The following RAB38 variants were observed in gnomAD, a reference collection of about 807,000 sequenced individuals.
RAB38 encodes the protein ras-related protein Rab-38.
RAB38 carries 15 observed loss-of-function variants against 18.4 expected under a neutral mutation model. That is an observed-to-expected ratio of 0.82 (90% confidence interval 0.55 to 1.26). The LOEUF is 1.26. Ranked by LOEUF, RAB38 falls within the 50% of genes most tolerant of loss-of-function variation. The probability of loss-of-function intolerance (pLI) is 0.00; values close to 1 mark genes in which losing one functional copy is unlikely to be tolerated. For missense variants in RAB38, 294 were observed against 267.4 expected (o/e 1.10, Z -0.69); for synonymous variants, 101 against 104.4 (o/e 0.97, Z 0.20).
the RAB38 span, among the ~76,000 whole-genome samples, chr11:88,012,809 C>T: frequency 1.3e-5 from 2 of 151,924 alleles, no homozygotes; most frequent in African/African-American, 4.8e-5. Context: ...ACAAATAAGC[C>T]GAATCTGATA....
chr11:88,119,328 A>C (rs1942599864), intron 2 of RAB38, among the ~76,000 whole-genome samples: 1 of 152,218 alleles, frequency 6.6e-6, no homozygotes, highest in African/African-American at 2.4e-5. Flanking sequence ...GTACCCCTGT[A>C]TCTAAAAGTT....
At chr11:88,053,041 T>C in the RAB38 span, among the ~76,000 whole-genome samples, 299 of 78,870 alleles carry the variant, frequency 3.8e-3, 9 homozygotes, top group Middle Eastern at 0.011. Context: ...ATATAATATA[T>C]ACATATATGG....
At chr11:88,009,543 CATG>C in the RAB38 span, among the ~76,000 whole-genome samples, 980 of 152,210 alleles carry the variant, frequency 6.4e-3, 8 homozygotes, top group African/African-American at 0.023. Flanking sequence ...AAGATTGTAA[CATG>C]ATGATAGAGG....
intron 1 of RAB38, among the ~76,000 whole-genome samples, chr11:88,156,543 A>T (rs989919732): frequency 1.1e-4 from 16 of 152,242 alleles, no homozygotes; most frequent in Non-Finnish European, 2.2e-4. Context: ...CTCTAATAAA[A>T]ATACAAAAAT....
At chr11:88,042,934 C>A in the RAB38 span, among the ~76,000 whole-genome samples, 4 of 152,158 alleles carry the variant, frequency 2.6e-5, no homozygotes, top group African/African-American at 7.2e-5. Flanking sequence ...CTTGCTAAAG[C>A]AATAGCTAAG....
chr11:87,906,591 T>C, the RAB38 span, among the ~76,000 whole-genome samples: 1 of 151,920 alleles, frequency 6.6e-6, no homozygotes, highest in African/African-American at 2.4e-5. Flanking sequence ...ATTTTCATTA[T>C]AAAAACAGGG....
chr11:87,949,473 T>G, the RAB38 span, among the ~76,000 whole-genome samples: 1 of 152,204 alleles, frequency 6.6e-6, no homozygotes, highest in African/African-American at 2.4e-5. Flanking sequence ...TTCTTTTAAA[T>G]GTGATGTTAG....
the RAB38 span, among the ~76,000 whole-genome samples, chr11:87,950,684 T>C: frequency 6.6e-6 from 1 of 152,172 alleles, no homozygotes; most frequent in Non-Finnish European, 1.5e-5. Flanking sequence ...GGTTGAAAAT[T>C]CTTTTCTTTA....
chr11:88,032,218 CA>C, the RAB38 span, among the ~76,000 whole-genome samples: 1 of 152,116 alleles, frequency 6.6e-6, no homozygotes, highest in Non-Finnish European at 1.5e-5. Context: ...ACACCTTATA[CA>C]AAAATCAATT....
chr11:88,051,794 A>T, the RAB38 span, among the ~76,000 whole-genome samples: 2 of 152,214 alleles, frequency 1.3e-5, no homozygotes, highest in Non-Finnish European at 2.9e-5. Context: ...AACCATAGGA[A>T]TAACTAAATG....
chr11:88,105,397 A>G, the RAB38 span, among the ~76,000 whole-genome samples: 41 of 152,282 alleles, frequency 2.7e-4, no homozygotes, highest in Non-Finnish European at 4.7e-4. Context: ...CTATGGCTAT[A>G]TTAGTCAGGA....
chr11:87,950,037 AG>A, the RAB38 span, among the ~76,000 whole-genome samples: 1 of 152,206 alleles, frequency 6.6e-6, no homozygotes, highest in Non-Finnish European at 1.5e-5. Flanking sequence ...GTTTCTTTGT[AG>A]GTCACTCAGT....
In RAB38 at chr11:88,133,784, A is replaced by G. The variant is rs184970761; in HGVS notation, c.483+15891T>C. On this transcript the variant is annotated intron_variant, in intron 2 of 2. Coordinates refer to ENST00000243662, the MANE Select transcript of RAB38 (RefSeq NM_022337.3). ...TTTACTACTCAGAAGAATAGCATAG[A>G]AAAAAAAGAGTGAAAAGTCAGGCTA... Among the ~76,000 whole-genome samples, 482 of 152,220 alleles carry G rather than the reference A, an allele frequency of 3.2e-3. 2 individuals carry two copies. Among genetic ancestry groups the G allele is most frequent in the African/African-American group, 0.011 (440 of 41,538 alleles).
At chr11:88,123,852 T>C (rs1304981557) in intron 2 of RAB38, among the ~76,000 whole-genome samples, 1 of 152,212 alleles carries the variant, frequency 6.6e-6, no homozygotes, top group East Asian at 1.9e-4. Flanking sequence ...ATAGTACATA[T>C]AATGATTTTA....
chr11:88,100,409 CTG>C, the RAB38 span, among the ~76,000 whole-genome samples: 3 of 151,852 alleles, frequency 2.0e-5, no homozygotes, highest in Non-Finnish European at 2.9e-5. Context: ...AACTGTAAAA[CTG>C]TAAGAAAATC....
intron 2 of RAB38, among the ~76,000 whole-genome samples, chr11:88,136,240 A>AT (rs1429975867): frequency 2.0e-5 from 3 of 152,100 alleles, no homozygotes; most frequent in Non-Finnish European, 2.9e-5. Flanking sequence ...TGGGATATTG[A>AT]TTTTCCCCCC....
intron 1 of RAB38, chr11:88,167,122 T>C (rs538603755): frequency 4.6e-5 from 7 of 152,256 alleles, no homozygotes; most frequent in South Asian, 2.1e-4. Flanking sequence ...CTGAGTCTCA[T>C]GGTTTCAACA....
At chr11:88,172,816 T>C (rs966753926) in intron 1 of RAB38, among the ~76,000 whole-genome samples, 1 of 152,224 alleles carries the variant, frequency 6.6e-6, no homozygotes, top group African/African-American at 2.4e-5. Flanking sequence ...TACAGTGGCC[T>C]AGCTTTCACC....
the RAB38 span, among the ~76,000 whole-genome samples, chr11:88,028,064 G>A: frequency 1.3e-4 from 20 of 152,286 alleles, no homozygotes; most frequent in East Asian, 1.2e-3. Flanking sequence ...CAGCATGCAC[G>A]GTTCAAGAAA....
Sources: allele counts gnomAD v4.1 joint callset (sites outside exome capture counted in the v4.1 genomes callset), GRCh38; gene constraint gnomAD v4.1.1; transcripts MANE v1.5; gene names NCBI Gene and HGNC (gene_info 2026-07-23, HGNC 2026-07-21).